BTG4: variants seen among roughly 807,000 people sequenced by gnomAD.
BTG4 encodes the protein protein BTG4.
BTG4 carries 10 observed loss-of-function variants against 19.3 expected under a neutral mutation model. That is an observed-to-expected ratio of 0.52 (90% CI 0.32 to 0.88). The LOEUF is 0.88. Among genes scored for constraint, BTG4 ranks in the 40% least tolerant of loss-of-function variants. BTG4 has a pLI of 0.04. For synonymous variants in BTG4, 91 were observed against 95.7 expected (o/e 0.95, Z 0.29); for missense variants, 238 against 281.9 (o/e 0.84, Z 1.11).
chr11:111,504,750 T>C (rs1396030923), intron 1 of BTG4, among the ~76,000 whole-genome samples: 1 of 152,110 alleles, frequency 6.6e-6, no homozygotes, highest in African/African-American at 2.4e-5. Flanking sequence ...CTCCTTGGCC[T>C]GATTAACAAC....
intron 5 of BTG4, among the ~76,000 whole-genome samples, chr11:111,476,320 T>G (rs11213922): frequency 0.031 from 4,759 of 152,244 alleles, 268 homozygotes; most frequent in African/African-American, 0.11. Context: ...CATTTTTAGC[T>G]CTGTAGGTCT....
chr11:111,441,052 G>A, the BTG4 span, among the ~76,000 whole-genome samples: 1 of 151,950 alleles, frequency 6.6e-6, no homozygotes, highest in Non-Finnish European at 1.5e-5. Context: ...ATCTGGCAGA[G>A]TCTTGGTTCC....
chr11:111,457,613 G>T, the BTG4 span, among the ~76,000 whole-genome samples: 2 of 151,810 alleles, frequency 1.3e-5, no homozygotes, highest in African/African-American at 2.4e-5. Flanking sequence ...CCCCTGGGGA[G>T]GGGAAGAGAA....
the BTG4 span, among the ~76,000 whole-genome samples, chr11:111,442,545 C>CACACACACACACA: frequency 6.8e-6 from 1 of 146,300 alleles, no homozygotes; most frequent in African/African-American, 2.6e-5. Context: ...CACACACACA[C>CACACACACACACA]CAGATGAGCC....
At chr11:111,493,015 G>A (rs111714185), downstream of BTG4, among the ~76,000 whole-genome samples, 5,407 of 152,076 alleles carry the variant, frequency 0.036, 328 homozygotes, top group African/African-American at 0.12. Context: ...GCATGGGGGC[G>A]CACGCTTGTA....
the BTG4 span, chr11:111,417,727 T>A: frequency 6.6e-6 from 1 of 152,204 alleles, no homozygotes; most frequent in Admixed American, 6.5e-5. Flanking sequence ...TTAGATCAGT[T>A]TGGGTGTTCT....
the BTG4 span, among the ~76,000 whole-genome samples, chr11:111,386,585 C>A: frequency 4.6e-5 from 7 of 152,168 alleles, no homozygotes; most frequent in African/African-American, 1.7e-4. Context: ...GGCCATGAAT[C>A]CTGTGTGTAT....
the BTG4 span, among the ~76,000 whole-genome samples, chr11:111,443,820 G>C: frequency 6.6e-6 from 1 of 152,190 alleles, no homozygotes; most frequent in African/African-American, 2.4e-5. Flanking sequence ...AGAAAGCGTG[G>C]TCTTTAGGTA....
At chr11:111,458,001 C>A in the BTG4 span, 1 of 152,750 alleles carries the variant, frequency 6.5e-6, no homozygotes, top group East Asian at 1.9e-4. Context: ...GGGCCACAGG[C>A]CCTGCTGGAC....
the BTG4 span, among the ~76,000 whole-genome samples, chr11:111,438,841 C>T: frequency 4.6e-5 from 7 of 152,328 alleles, no homozygotes; most frequent in Admixed American, 1.3e-4. Flanking sequence ...GAACCTCCCC[C>T]GTCCTAACTG....
chr11:111,443,017 C>T, the BTG4 span, among the ~76,000 whole-genome samples: 1 of 152,200 alleles, frequency 6.6e-6, no homozygotes, highest in South Asian at 2.1e-4. Context: ...ACCTGGCCAA[C>T]GCTACCTCAG....
intron 1 of BTG4, among the ~76,000 whole-genome samples, chr11:111,509,942 T>G (rs1591542177): frequency 6.8e-6 from 1 of 147,532 alleles, no homozygotes; most frequent in East Asian, 2.0e-4. Context: ...GATGGAGTCT[T>G]GCTCTGTCAC....
At chr11:111,461,185 C>T in the BTG4 span, among the ~76,000 whole-genome samples, 1,070 of 152,226 alleles carry the variant, frequency 7.0e-3, 12 homozygotes, top group African/African-American at 0.024. Flanking sequence ...AGTCTGGTTA[C>T]GTTTCAGAAA....
At chr11:111,501,786 A>T (rs1866099209) in intron 1 of BTG4, among the ~76,000 whole-genome samples, 1 of 152,246 alleles carries the variant, frequency 6.6e-6, no homozygotes, top group East Asian at 1.9e-4. Flanking sequence ...CCCAAAGTAC[A>T]TACAACTATT....
the BTG4 span, chr11:111,417,761 G>A: frequency 3.9e-5 from 6 of 152,162 alleles, no homozygotes; most frequent in Admixed American, 6.5e-5. Flanking sequence ...ACTCTGCTTC[G>A]GCATTGAAGC....
Position 111,496,360 on chromosome 11 carries a change from C to T in BTG4, c.510+851G>A, listed in dbSNP as rs181335445. On this transcript the variant is annotated intron_variant, in intron 4 of 4. Transcript: ENST00000692032. ...AAACCAGTAAAATGTTCATACTCTG[C>T]GACCCAGTAGTTCTGTGCTTGAGAA... Among the ~76,000 whole-genome samples the T allele has an allele frequency of 2.4e-4, 36 of 152,200 alleles. 1 individual carries two copies. Among genetic ancestry groups the T allele is most frequent in the African/African-American group, 8.2e-4 (34 of 41,514 alleles).
chr11:111,492,253 A>C (rs1397424025), downstream of BTG4, among the ~76,000 whole-genome samples: 1 of 152,252 alleles, frequency 6.6e-6, no homozygotes, highest in African/African-American at 2.4e-5. Flanking sequence ...CCAACCTTGC[A>C]AACTGCAAGG....
At position 111,482,650 on chromosome 11, in the gene BTG4, A is replaced by G. The variant is rs118155499; in HGVS notation, c.662+12513T>C. On this transcript the variant is annotated intron_variant, in intron 5 of 5. Transcript: ENST00000356018. ...AAATACACCCACAGTGATATACTCA[A>G]CTGAATTTTCACAAAGATGCAAGAA... is the stretch of plus-strand genomic sequence containing the variant. Among the ~76,000 whole-genome samples the G allele has an allele frequency of 4.7e-3, 714 of 152,304 alleles. 4 individuals carry two copies. Among genetic ancestry groups the G allele is most frequent in the Non-Finnish European group, 7.5e-3 (508 of 68,010 alleles).
the BTG4 span, among the ~76,000 whole-genome samples, chr11:111,410,590 C>T: frequency 6.6e-6 from 1 of 152,198 alleles, no homozygotes; most frequent in South Asian, 2.1e-4. Flanking sequence ...AAAGTAAGCA[C>T]TATGACCAAC....
Sources: gnomAD v4.1 joint callset for allele counts (sites outside exome capture counted in the v4.1 genomes callset) on GRCh38, gnomAD v4.1.1 for gene constraint, MANE v1.5 for transcripts, NCBI Gene and HGNC (gene_info 2026-07-23, HGNC 2026-07-21) for gene names.